CTNNA3: variants seen among roughly 807,000 people sequenced by gnomAD.
The protein encoded by CTNNA3 is catenin alpha-3.
Under a neutral mutation model 95.7 loss-of-function variants are expected in CTNNA3, and 76 were observed. The observed-to-expected ratio is 0.79, with a 90% CI of 0.66 to 0.96. The LOEUF is 0.96. CTNNA3 is among the 40% of genes least tolerant of loss of function. The pLI, the probability that CTNNA3 is intolerant of heterozygous loss-of-function variation, is 0.00. For synonymous variants in CTNNA3, 431 were observed against 374.4 expected (o/e 1.15, Z -1.74); for missense variants, 1,191 against 1,089.8 (o/e 1.09, Z -1.31).
At chr10:67,286,389 C>T (rs1364992352) in intron 5 of CTNNA3, among the ~76,000 whole-genome samples, 1 of 152,178 alleles carries the variant, frequency 6.6e-6, no homozygotes, top group East Asian at 1.9e-4. Flanking sequence ...CTGTCATTTA[C>T]TAGTTGTAGG....
chr10:67,390,379 C>A (rs1439382680), intron 5 of CTNNA3, among the ~76,000 whole-genome samples: 2 of 152,290 alleles, frequency 1.3e-5, no homozygotes, highest in South Asian at 2.1e-4. Flanking sequence ...TCTGAATAGA[C>A]CAACAACAGG....
rs2076990907 is a variant in CTNNA3, at chr10:65,915,185, G to C, written c.*5145C>G. The C allele has an allele frequency of 6.6e-6, 1 of 151,872 alleles. No homozygotes were observed. The highest frequency in any genetic ancestry group is 1.5e-5 in the Non-Finnish European group (1 of 67,954). 9.4% of individuals were successfully genotyped at this position (151,872 alleles called of 1,614,324 possible). ...GTAACCCAGATTGGCTCTAATATTG[G>C]GAAGAATTTCACCTACCATCAGTCA... On this transcript the variant is annotated 3_prime_UTR_variant, in exon 18 of 18. Coordinates refer to ENST00000433211, the MANE Select transcript of CTNNA3 (RefSeq NM_013266.4).
intron 17 of CTNNA3, among the ~76,000 whole-genome samples, chr10:65,929,540 A>C (rs1254591958): frequency 6.6e-6 from 1 of 151,968 alleles, no homozygotes; most frequent in Admixed American, 6.6e-5. Context: ...ATACCCATGC[A>C]CATAAATGAA....
chr10:67,722,909 A>T (rs1352792074), intron 1 of CTNNA3, among the ~76,000 whole-genome samples: 2 of 152,212 alleles, frequency 1.3e-5, no homozygotes, highest in African/African-American at 4.8e-5. Context: ...CTTATGATAA[A>T]GAAACACTCT....
chr10:67,187,415 T>G (rs1862904890), intron 6 of CTNNA3, among the ~76,000 whole-genome samples: 2 of 152,186 alleles, frequency 1.3e-5, no homozygotes, highest in Admixed American at 1.3e-4. Flanking sequence ...GAAACTGAGA[T>G]GAGACCACCT....
At chr10:67,375,538 G>A (rs1464217497) in intron 5 of CTNNA3, among the ~76,000 whole-genome samples, 8 of 151,998 alleles carry the variant, frequency 5.3e-5, no homozygotes, top group African/African-American at 1.7e-4. Context: ...GCTTCAACTC[G>A]GGAGGCAGAA....
intron 5 of CTNNA3, among the ~76,000 whole-genome samples, chr10:67,252,051 A>G (rs1589088408): frequency 6.6e-6 from 1 of 151,994 alleles, no homozygotes; most frequent in East Asian, 1.9e-4. Flanking sequence ...CTCTACCAAG[A>G]AACACAAAAA....
chr10:66,810,158 T>A (rs1261176591), intron 7 of CTNNA3, among the ~76,000 whole-genome samples: 2 of 152,192 alleles, frequency 1.3e-5, no homozygotes, highest in Admixed American at 6.5e-5. Flanking sequence ...TCTCTTTTAG[T>A]ATAATGAATA....
At chr10:67,158,010 A>C (rs528315136) in intron 7 of CTNNA3, among the ~76,000 whole-genome samples, 8 of 152,264 alleles carry the variant, frequency 5.3e-5, no homozygotes, top group African/African-American at 1.9e-4. Flanking sequence ...GTAAATTTCC[A>C]AGGTTGCAGA....
chr10:66,558,742 G>A (rs1476127684), intron 10 of CTNNA3, among the ~76,000 whole-genome samples: 1 of 152,070 alleles, frequency 6.6e-6, no homozygotes, highest in Non-Finnish European at 1.5e-5. Flanking sequence ...CTGTCAGCAA[G>A]AGTCTGAAAA....
intron 5 of CTNNA3, among the ~76,000 whole-genome samples, chr10:67,261,819 G>GA (rs1866622701): frequency 1.3e-5 from 2 of 152,136 alleles, no homozygotes; most frequent in South Asian, 4.1e-4. Flanking sequence ...AGAAATCAGA[G>GA]AAAAATGGCT....
chr10:66,944,871 G>T (rs1418736109), intron 7 of CTNNA3, among the ~76,000 whole-genome samples: 1 of 152,170 alleles, frequency 6.6e-6, no homozygotes, highest in African/African-American at 2.4e-5. Context: ...TCAGTGAGCA[G>T]TAATACTTTG....
chr10:66,272,043 C>G (rs1475897073), intron 13 of CTNNA3, among the ~76,000 whole-genome samples: 3 of 152,134 alleles, frequency 2.0e-5, no homozygotes, highest in Non-Finnish European at 4.4e-5. Context: ...CAAGGTTTCC[C>G]TACCTTATAC....
intron 5 of CTNNA3, among the ~76,000 whole-genome samples, chr10:67,507,951 A>C (rs751297983): frequency 7.9e-5 from 12 of 152,232 alleles, no homozygotes; most frequent in Non-Finnish European, 1.2e-4. Flanking sequence ...AAAATTCAAC[A>C]TGCTTTCATG....
intron 11 of CTNNA3, among the ~76,000 whole-genome samples, chr10:66,398,183 T>C (rs2092993791): frequency 6.6e-6 from 1 of 151,958 alleles, no homozygotes; most frequent in Non-Finnish European, 1.5e-5. Context: ...CTTTCACAAC[T>C]TGCAAAGTAC....
Position 66,037,852 on chromosome 10 carries a change from G to GT in CTNNA3, c.2159+31455dup, listed in dbSNP as rs201288443. 1.0e-3 allele frequency among the ~76,000 whole-genome samples: 159 copies of GT among 151,668 alleles called. 1 individual carries two copies. The highest frequency in any genetic ancestry group is 3.3e-3 in the African/African-American group (138 of 41,352). ...TTCAGCTGGACTAGGAAAACATAGA[G>GT]TTTTTTTTTCTTTTATACCAACCAT... On this transcript the variant is annotated intron_variant, in intron 15 of 17. Transcript: ENST00000433211.
intron 10 of CTNNA3, among the ~76,000 whole-genome samples, chr10:66,523,887 G>A (rs932791393): frequency 1.3e-5 from 2 of 152,144 alleles, no homozygotes; most frequent in African/African-American, 4.8e-5. Context: ...AATCCTAGTT[G>A]ACTAAAAACA....
chr10:66,244,455 G>A (rs2090228446), intron 13 of CTNNA3, among the ~76,000 whole-genome samples: 1 of 152,206 alleles, frequency 6.6e-6, no homozygotes, highest in Admixed American at 6.5e-5. Flanking sequence ...CCAGTGCTGT[G>A]CTGATTTCAG....
intron 5 of CTNNA3, among the ~76,000 whole-genome samples, chr10:67,249,907 G>A (rs749269834): frequency 2.8e-4 from 43 of 152,228 alleles, no homozygotes; most frequent in Middle Eastern, 3.4e-3. Context: ...CACAGACATG[G>A]GTAGAACACG....
Sources: allele counts gnomAD v4.1 joint callset (sites outside exome capture counted in the v4.1 genomes callset), GRCh38; gene constraint gnomAD v4.1.1; transcripts MANE v1.5; gene names NCBI Gene and HGNC (gene_info 2026-07-23, HGNC 2026-07-21).